XYLB: variants seen among roughly 807,000 people sequenced by gnomAD.
The protein encoded by XYLB is xylulokinase.
In XYLB, 62 loss-of-function variants were observed where a neutral mutation model predicts 78.7. The ratio of observed to expected loss-of-function variants is 0.79; its 90% CI spans 0.64 to 0.97. XYLB has a LOEUF of 0.97. Among genes scored for constraint, XYLB ranks in the 50% least tolerant of loss-of-function variants. The pLI, the probability that XYLB is intolerant of heterozygous loss-of-function variation, is 0.00. For synonymous variants in XYLB, 245 were observed against 247.4 expected, an observed-to-expected ratio of 0.99 and a Z score of 0.09; for missense variants, 687 against 676.8, an observed-to-expected ratio of 1.02 and a Z score of -0.17.
the XYLB span, among the ~76,000 whole-genome samples, chr3:38,431,820 G>A: frequency 6.6e-6 from 1 of 152,132 alleles, no homozygotes; most frequent in Admixed American, 6.5e-5. Flanking sequence ...GAGTGAAGGG[G>A]AAGCCTCCTA....
Position 38,395,509 on chromosome 3 carries a change from C to T in XYLB, c.1296C>T (p.Ser432=). The change falls in exon 16 of 19, where the codon TCC becomes TCT. Residue 432 remains serine (S), a synonymous_variant. Coordinates refer to ENST00000207870, the MANE Select transcript of XYLB (RefSeq NM_005108.4). The part of the protein sequence containing the change: ...HAEGLGYRVM[S]KTKILATGGA... ...CTTTTTTCTTTTCCCTTGCAGTGTC[C>T]AAGACAAAGATTTTGGCCACAGGAG... 6.2e-7 allele frequency: 1 copy of T among 1,614,122 alleles called. No individual in the cohort carries two copies. Among genetic ancestry groups the T allele is most frequent in the African/African-American group, 1.3e-5 (1 of 75,026 alleles).
chr3:38,409,546 G>T, intron 18 of XYLB, among the ~76,000 whole-genome samples: 1 of 152,180 alleles, frequency 6.6e-6, no homozygotes, highest in East Asian at 1.9e-4. Flanking sequence ...GGGCAATTAG[G>T]CAGGAGAAGG....
chr3:38,438,406 A>G, the XYLB span, among the ~76,000 whole-genome samples: 15 of 152,358 alleles, frequency 9.8e-5, no homozygotes, highest in East Asian at 2.9e-3. Flanking sequence ...CAGAAGAATT[A>G]ATATTACTGA....
At chr3:38,373,359 G>A (rs1482028527) in intron 10 of XYLB, among the ~76,000 whole-genome samples, 7 of 152,144 alleles carry the variant, frequency 4.6e-5, no homozygotes. Context: ...TTTTTCTAAC[G>A]ATCCACCAGA....
chr3:38,452,078 T>G, the XYLB span: 3 of 152,240 alleles, frequency 2.0e-5, no homozygotes, highest in African/African-American at 7.2e-5. Context: ...AAACTGGATA[T>G]GGAATTACTT....
chr3:38,375,713 T>C (rs541545640), intron 12 of XYLB, among the ~76,000 whole-genome samples: 1 of 152,274 alleles, frequency 6.6e-6, no homozygotes, highest in East Asian at 1.9e-4. Flanking sequence ...CCACAGGCCT[T>C]TGGAGACCTG....
intron 11 of XYLB, 36 bp from the exon 12 acceptor site, chr3:38,375,108 A>ATTCTTTT: frequency 6.4e-7 from 1 of 1,567,482 alleles, no homozygotes; most frequent in Non-Finnish European, 8.8e-7. Context: ...GTGTGGGCAA[A>ATTCTTTT]GCCCAAGGTG....
At chr3:38,365,554 G>T in intron 5 of XYLB, 54 bp from the exon 6 acceptor site, 1 of 1,564,052 alleles carries the variant, frequency 6.4e-7, no homozygotes, top group Non-Finnish European at 8.7e-7. Flanking sequence ...CCCTGGGGCA[G>T]ATCTCCAAGT....
intron 3 of XYLB, among the ~76,000 whole-genome samples, chr3:38,361,836 C>G (rs898771211): frequency 6.6e-6 from 1 of 152,236 alleles, no homozygotes; most frequent in African/African-American, 2.4e-5. Flanking sequence ...CTGAAAGAAG[C>G]CCTCCCAGCA....
intron 15 of XYLB, among the ~76,000 whole-genome samples, chr3:38,392,445 A>G (rs565323677): frequency 6.6e-6 from 1 of 151,978 alleles, no homozygotes; most frequent in Non-Finnish European, 1.5e-5. Flanking sequence ...TTACAGGCGC[A>G]CACCACCATG....
the XYLB span, among the ~76,000 whole-genome samples, chr3:38,446,558 T>C: frequency 6.6e-6 from 1 of 152,126 alleles, no homozygotes; most frequent in Non-Finnish European, 1.5e-5. Context: ...ATGGTACTGG[T>C]ATAAAAATAG....
At chr3:38,443,467 C>A in the XYLB span, among the ~76,000 whole-genome samples, 5 of 152,204 alleles carry the variant, frequency 3.3e-5, no homozygotes, top group African/African-American at 1.2e-4. Flanking sequence ...ACACTGATAA[C>A]AAGCCCTACC....
At position 38,398,051 on chromosome 3, in the gene XYLB, T is replaced by C. The variant is rs577775645; in HGVS notation, c.1438+892T>C. On this transcript the variant is annotated intron_variant, in intron 17 of 18. Transcript: ENST00000207870. ...GCCAGGATGGTCTCGATCTCCTGAC[T>C]TTGTGATCTGCCCACCTTGGCCTCC... Among the ~76,000 whole-genome samples the C allele has an allele frequency of 9.2e-5, 14 of 151,602 alleles. No homozygotes were observed. In the South Asian group the frequency reaches 1.5e-3, roughly 16 times the overall value.
chr3:38,415,901 AGG>A (rs1708774161), downstream of XYLB, among the ~76,000 whole-genome samples: 2 of 152,294 alleles, frequency 1.3e-5, no homozygotes, highest in Non-Finnish European at 2.9e-5. Flanking sequence ...CAGGAGGTGA[AGG>A]GGAAGAAAGG....
chr3:38,370,141 G>A lies in XYLB; in HGVS notation c.732G>A (p.Lys244=). 6.2e-7 allele frequency: 1 copy of A among 1,613,952 alleles called. No homozygotes were observed. The change falls in exon 9 of 19, where the codon AAG becomes AAA. Residue 244 remains lysine, a synonymous_variant. Transcript: ENST00000207870. ...LGACAPHLEE[K]LSPPVPSCSV... is the part of the protein sequence containing the mutation. ...CCTGTGCACCTCATTTAGAGGAGAA[G>A]CTTAGCCCACCAGTACCATCATGCT...
intron 2 of XYLB, among the ~76,000 whole-genome samples, chr3:38,351,975 G>A (rs1458684341): frequency 6.6e-6 from 1 of 152,172 alleles, no homozygotes; most frequent in African/African-American, 2.4e-5. Flanking sequence ...AAAGGGCTAT[G>A]AGAGTCACAT....
downstream of XYLB, among the ~76,000 whole-genome samples, chr3:38,422,599 A>G (rs956957042): frequency 6.6e-6 from 1 of 152,116 alleles, no homozygotes; most frequent in African/African-American, 2.4e-5. Context: ...AAGTATATCA[A>G]AGTATTTATA....
chr3:38,390,503 T>A lies in XYLB; in HGVS notation c.1292-5002T>A, dbSNP rs1031615322. On this transcript the variant is annotated intron_variant, in intron 15 of 18. Coordinates refer to ENST00000207870, the MANE Select transcript of XYLB (RefSeq NM_005108.4). The stretch of plus-strand genomic sequence containing the variant: ...TGTTGGGATTACAGGTATGAGCCAC[T>A]GTGCCCAGCCTATTATATTTTTTTG... Among the ~76,000 whole-genome samples the A allele has an allele frequency of 1.3e-4, 20 of 152,240 alleles. No individual in the cohort carries two copies. In the East Asian group the frequency reaches 1.5e-3, roughly 12 times the overall value.
chr3:38,402,933 T>A (rs1708174820), intron 18 of XYLB, among the ~76,000 whole-genome samples: 1 of 152,232 alleles, frequency 6.6e-6, no homozygotes, highest in African/African-American at 2.4e-5. Flanking sequence ...ATGATTAAAA[T>A]TAATTTTAAT....
Sources: allele counts gnomAD v4.1 joint callset (sites outside exome capture counted in the v4.1 genomes callset), GRCh38; gene constraint gnomAD v4.1.1; transcripts MANE v1.5; gene names NCBI Gene and HGNC (gene_info 2026-07-23, HGNC 2026-07-21).